Variants in SATB2 observed in about 807,000 individuals in gnomAD.
SATB2 encodes the protein DNA-binding protein SATB2.
A neutral mutation model predicts 73.4 loss-of-function variants in SATB2; 1 was observed. The ratio of observed to expected loss-of-function variants is 0.01; its 90% CI spans 0.00 to 0.06. SATB2 has a LOEUF of 0.06. Ranked by LOEUF, SATB2 falls within the 10% of genes least tolerant of loss-of-function variation. The pLI, the probability that SATB2 is intolerant of heterozygous loss-of-function variation, is 1.00. For synonymous variants in SATB2, 397 were observed against 367.0 expected (o/e 1.08, Z -0.93); for missense variants, 459 against 945.8 (o/e 0.49, Z 6.75).
At chr2:199,393,978 A>G (rs1481938306) in intron 3 of SATB2, among the ~76,000 whole-genome samples, 3 of 152,188 alleles carry the variant, frequency 2.0e-5, no homozygotes, top group Non-Finnish European at 4.4e-5. Context: ...GCTGCTGCCT[A>G]CTGACTACTA....
intron 3 of SATB2, among the ~76,000 whole-genome samples, chr2:199,402,056 G>GA (rs947552541): frequency 2.0e-5 from 3 of 151,924 alleles, no homozygotes; most frequent in African/African-American, 7.3e-5. Context: ...CAGTACAGGT[G>GA]AAAAAAATCA....
At chr2:199,332,683 T>G (rs1469920634) in intron 7 of SATB2, among the ~76,000 whole-genome samples, 1 of 152,190 alleles carries the variant, frequency 6.6e-6, no homozygotes, top group Non-Finnish European at 1.5e-5. Flanking sequence ...ATTCTGAGTC[T>G]GTACTTTCTG....
upstream of SATB2, chr2:199,458,484 G>C (rs984263712): frequency 3.1e-5 from 12 of 391,084 alleles, no homozygotes; most frequent in Admixed American, 1.4e-4. Context: ...CGGCCAGCGG[G>C]TGGGTGCGTC....
chr2:199,435,179 G>A (rs2105930884), intron 2 of SATB2, among the ~76,000 whole-genome samples: 1 of 150,948 alleles, frequency 6.6e-6, no homozygotes, highest in South Asian at 2.1e-4. Context: ...GATACGAGTG[G>A]AGTAGACTGA....
chr2:199,456,053 A>G lies in SATB2; in HGVS notation c.-16T>C. The G allele has an allele frequency of 6.8e-7, 1 of 1,465,832 alleles. No homozygotes were observed. The highest frequency in any genetic ancestry group is 2.0e-5 in the Admixed American group (1 of 49,674). 90.8% of individuals were successfully genotyped at this position (1,465,832 alleles called of 1,614,324 possible). On this transcript the variant is annotated 5_prime_UTR_variant, in exon 2 of 11. Transcript: ENST00000417098. ...GCCGCTCCATGCTGCTCCGACTCGGAGACAAAGTTCCCACCGGCAGGTCGC... is the reference window on the plus strand; with the variant it reads ...GCCGCTCCATGCTGCTCCGACTCGGGGACAAAGTTCCCACCGGCAGGTCGC...
intron 3 of SATB2, among the ~76,000 whole-genome samples, chr2:199,424,883 G>A (rs1329540214): frequency 6.6e-6 from 1 of 152,148 alleles, no homozygotes; most frequent in Non-Finnish European, 1.5e-5. Context: ...AAGTTTAAAT[G>A]TAAAGAATAT....
chr2:199,302,861 C>T (rs897847067), intron 10 of SATB2, among the ~76,000 whole-genome samples: 5 of 152,102 alleles, frequency 3.3e-5, no homozygotes, highest in African/African-American at 7.2e-5. Flanking sequence ...TGAACATTAG[C>T]GATAAGAGGC....
Position 199,308,669 on chromosome 2 carries a change from T to C in SATB2, c.1740+91A>G, listed in dbSNP as rs975407738. On this transcript the variant is annotated intron_variant, in intron 10 of 10. Coordinates refer to ENST00000417098, the MANE Select transcript of SATB2 (RefSeq NM_001172509.2). The surrounding 1 kb of genome is among the most constrained non-coding windows in gnomAD (Gnocchi z 4.6). ...GGCATGAGACACCCTCTGACAGAAG[T>C]TGGTGTGGTGTGTGCCACTTGGACC... is the stretch of plus-strand genomic sequence containing the variant. The C allele has an allele frequency of 9.6e-7, 1 of 1,040,992 alleles. No individual in the cohort carries two copies. 64.5% of individuals were successfully genotyped at this position (1,040,992 alleles called of 1,614,324 possible).
At chr2:199,451,861 T>C (rs1244446109) in intron 2 of SATB2, among the ~76,000 whole-genome samples, 1 of 18,530 alleles carries the variant, frequency 5.4e-5, no homozygotes, top group Non-Finnish European at 1.9e-3. Flanking sequence ...TAATGATTTT[T>C]TTCCCCCTTG....
chr2:199,383,275 C>T (rs531927014), intron 3 of SATB2, among the ~76,000 whole-genome samples: 9 of 152,130 alleles, frequency 5.9e-5, no homozygotes, highest in South Asian at 2.1e-4. Context: ...TGTTTTCTTG[C>T]GGGGATAGTT....
rs777983427 is a variant in SATB2, at chr2:199,380,360, T to C, written c.597+4A>G. ...TTCCCAGACCCCCACCTGAAGATAC[T>C]GACCTGGGAGAGAGGGCATTCTTTG... On this transcript the variant is annotated splice_donor_region_variant and intron_variant, in intron 5 of 10. Transcript: ENST00000417098. The C allele has an allele frequency of 2.0e-5, 33 of 1,613,830 alleles. No homozygotes were observed. Among genetic ancestry groups the C allele is most frequent in the Non-Finnish European group, 2.8e-5 (33 of 1,179,832 alleles).
At chr2:199,281,754 T>C (rs1692504625) in intron 10 of SATB2, among the ~76,000 whole-genome samples, 1 of 152,166 alleles carries the variant, frequency 6.6e-6, no homozygotes, top group African/African-American at 2.4e-5. Flanking sequence ...CTAATGTAAA[T>C]ATCAATGTAA....
intron 10 of SATB2, among the ~76,000 whole-genome samples, chr2:199,286,203 G>C (rs1483300289): frequency 6.6e-6 from 1 of 151,978 alleles, no homozygotes; most frequent in East Asian, 1.9e-4. Flanking sequence ...AAATACTGAA[G>C]AGGTAGGTGG....
At chr2:199,407,502 G>T (rs1376952314) in intron 3 of SATB2, among the ~76,000 whole-genome samples, 3 of 152,074 alleles carry the variant, frequency 2.0e-5, no homozygotes. Flanking sequence ...CAGCCCAGGA[G>T]ATCTAAGATA....
At chr2:199,295,707 T>C (rs1467018184) in intron 10 of SATB2, among the ~76,000 whole-genome samples, 1 of 152,140 alleles carries the variant, frequency 6.6e-6, no homozygotes, top group Non-Finnish European at 1.5e-5. Context: ...AGCCCCAAAG[T>C]GATTATTAGG....
intron 3 of SATB2, among the ~76,000 whole-genome samples, chr2:199,386,710 GCGCGCGCACACACACACACACACACA>G (rs1253511887): frequency 2.6e-4 from 24 of 90,606 alleles, no homozygotes; most frequent in Middle Eastern, 0.01. Context: ...GCGCGCGCGC[GCGCGCGCACACACACACACACACACA>G]CACACACACA....
chr2:199,329,344 T>C (rs746485846), intron 7 of SATB2: 17 of 167,866 alleles, frequency 1.0e-4, no homozygotes, highest in Non-Finnish European at 1.7e-4. Context: ...TTAAACAGCA[T>C]GGTAGATTTA....
chr2:199,372,149 A>C (rs1689468466), intron 5 of SATB2, among the ~76,000 whole-genome samples: 1 of 152,194 alleles, frequency 6.6e-6, no homozygotes, highest in South Asian at 2.1e-4. Flanking sequence ...TTCTGACTTC[A>C]TTGTAGTTAA....
At chr2:199,349,292 A>G (rs1028200055) in intron 6 of SATB2, 119 bp from the exon 7 acceptor site, 9 of 774,828 alleles carry the variant, frequency 1.2e-5, no homozygotes, top group Non-Finnish European at 1.9e-5. Context: ...ATTTTTTCAT[A>G]CAACGATGGA....
Sources: gnomAD v4.1 joint callset for allele counts (sites outside exome capture counted in the v4.1 genomes callset) on GRCh38, gnomAD v4.1.1 for gene constraint, Gnocchi (gnomAD v3.1) non-coding constraint, MANE v1.5 for transcripts, NCBI Gene and HGNC (gene_info 2026-07-23, HGNC 2026-07-21) for gene names.